The following RCOR1 variants were observed in gnomAD, a reference collection of about 807,000 sequenced individuals.
RCOR1 encodes REST corepressor.
Under a neutral mutation model 64.0 loss-of-function variants are expected in RCOR1, and 12 were observed. That is an observed-to-expected ratio of 0.19 (90% confidence interval 0.12 to 0.30). The LOEUF (loss-of-function observed/expected upper bound fraction) is 0.30, where lower values mean the gene tolerates loss of function less well. Ranked by LOEUF, RCOR1 falls within the 10% of genes least tolerant of loss-of-function variation. The pLI is 1.00. For synonymous variants in RCOR1, 279 were observed against 227.2 expected (o/e 1.23, Z -2.05); for missense variants, 502 against 621.2 (o/e 0.81, Z 2.04).
chr14:102,620,251 A>AC (rs975179645), intron 2 of RCOR1, among the ~76,000 whole-genome samples: 2 of 143,316 alleles, frequency 1.4e-5, no homozygotes, highest in African/African-American at 2.6e-5. Context: ...ACACACACAC[A>AC]CCCCCCCACA....
intron 11 of RCOR1, among the ~76,000 whole-genome samples, chr14:102,723,398 G>T (rs1478940429): frequency 1.3e-5 from 2 of 152,116 alleles, no homozygotes; most frequent in Non-Finnish European, 2.9e-5. Context: ...CTCCATGCAG[G>T]GCCTCTTTGC....
chr14:102,657,391 G>T (rs1595215897), intron 2 of RCOR1: 1 of 985,266 alleles, frequency 1.0e-6, no homozygotes, highest in African/African-American at 1.7e-5. Flanking sequence ...TCTTCTTGGA[G>T]CTAATTTCTT....
intron 2 of RCOR1, among the ~76,000 whole-genome samples, chr14:102,634,871 ATT>A (rs757143284): frequency 1.1e-4 from 15 of 137,390 alleles, no homozygotes; most frequent in East Asian, 2.1e-4. Flanking sequence ...TAATTTTTGT[ATT>A]TTTTTTTTTT....
chr14:102,655,110 CTTTTTTT>C (rs67404203), intron 2 of RCOR1: 14 of 104,532 alleles, frequency 1.3e-4, no homozygotes, highest in Admixed American at 2.7e-4. Context: ...CGCGGACAAC[CTTTTTTT>C]TTTTTTTTTT....
chr14:102,615,538 T>C (rs1227504768), intron 2 of RCOR1, among the ~76,000 whole-genome samples: 1 of 146,392 alleles, frequency 6.8e-6, no homozygotes, highest in Non-Finnish European at 1.5e-5. Context: ...AACCTCCACC[T>C]CCTGGATTCA....
At chr14:102,671,656 A>C (rs1895034275) in intron 2 of RCOR1, among the ~76,000 whole-genome samples, 1 of 152,216 alleles carries the variant, frequency 6.6e-6, no homozygotes, top group South Asian at 2.1e-4. Flanking sequence ...CAGCCTCCTG[A>C]GTAGCCTTGC....
At chr14:102,600,897 G>C (rs1242758067) in intron 2 of RCOR1, among the ~76,000 whole-genome samples, 1 of 149,008 alleles carries the variant, frequency 6.7e-6, no homozygotes, top group Non-Finnish European at 1.5e-5. Flanking sequence ...TAGTAGAGAT[G>C]GTATTTCGCT....
intron 2 of RCOR1, among the ~76,000 whole-genome samples, chr14:102,604,737 C>G (rs1893469935): frequency 6.6e-6 from 1 of 151,976 alleles, no homozygotes; most frequent in Non-Finnish European, 1.5e-5. Flanking sequence ...TAAGTATAAT[C>G]AGAATTCAAT....
intron 3 of RCOR1, among the ~76,000 whole-genome samples, chr14:102,701,075 C>G (rs1206547684): frequency 6.6e-6 from 1 of 152,198 alleles, no homozygotes; most frequent in African/African-American, 2.4e-5. Context: ...GAAAGCCCAT[C>G]CTCCATGATT....
chr14:102,711,544 A>G (rs1895958691), intron 7 of RCOR1, among the ~76,000 whole-genome samples: 1 of 152,082 alleles, frequency 6.6e-6, no homozygotes, highest in Non-Finnish European at 1.5e-5. Flanking sequence ...AAATCATTAT[A>G]CAAGAGATTG....
intron 2 of RCOR1, among the ~76,000 whole-genome samples, chr14:102,617,587 CTTTTT>C (rs71119722): frequency 2.7e-4 from 32 of 118,256 alleles, no homozygotes; most frequent in Middle Eastern, 4.1e-3. Context: ...CTGTCTCTTT[CTTTTT>C]TTTTTTTTTT....
chr14:102,696,247 G>C (rs1895647233), intron 3 of RCOR1, among the ~76,000 whole-genome samples: 1 of 152,114 alleles, frequency 6.6e-6, no homozygotes, highest in Non-Finnish European at 1.5e-5. Flanking sequence ...ATTTAATACA[G>C]TGCTTTGTTC....
Position 102,730,283 on chromosome 14 carries a change from A to G in RCOR1, c.*3777A>G, listed in dbSNP as rs770299485. 6 of 333,020 alleles carry G rather than the reference A, an allele frequency of 1.8e-5. No homozygotes were observed. Among genetic ancestry groups the G allele is most frequent in the Non-Finnish European group, 3.2e-5 (6 of 185,312 alleles). 20.6% of individuals were successfully genotyped at this position (333,020 alleles called of 1,614,324 possible). A position where few individuals can be genotyped will look rare whatever the true frequency, so the allele number is the denominator to read the frequency against. On this transcript the variant is annotated 3_prime_UTR_variant, in exon 12 of 12. Coordinates refer to ENST00000262241, the MANE Select transcript of RCOR1 (RefSeq NM_015156.4). ...TTTGCAAATATAATGGAAATGCTGTATATCTTTTGAAGTGATGAAATCCAC... is the reference window on the plus strand; with the variant it reads ...TTTGCAAATATAATGGAAATGCTGTGTATCTTTTGAAGTGATGAAATCCAC...
At chr14:102,625,178 A>C (rs1341223684) in intron 2 of RCOR1, among the ~76,000 whole-genome samples, 2 of 148,514 alleles carry the variant, frequency 1.3e-5, no homozygotes, top group African/African-American at 2.5e-5. Flanking sequence ...CCTGGCCTGA[A>C]GTTCCCTTTC....
At chr14:102,640,515 T>G (rs147641806) in intron 2 of RCOR1, among the ~76,000 whole-genome samples, 5 of 152,322 alleles carry the variant, frequency 3.3e-5, no homozygotes, top group African/African-American at 4.8e-5. Flanking sequence ...TCGAGACACC[T>G]GTCTTGTATT....
At chr14:102,656,378 A>G (rs1025524102) in intron 2 of RCOR1, among the ~76,000 whole-genome samples, 1 of 151,276 alleles carries the variant, frequency 6.6e-6, no homozygotes, top group African/African-American at 2.4e-5. Flanking sequence ...ACCTCAAGCG[A>G]TCCGCCTGCT....
chr14:102,685,689 C>T (rs1007003114), intron 3 of RCOR1, among the ~76,000 whole-genome samples: 7 of 152,072 alleles, frequency 4.6e-5, no homozygotes, highest in Admixed American at 2.6e-4. Context: ...GGGCTGAGTG[C>T]GGTGTCTCAC....
At chr14:102,604,582 T>C (rs560326815) in intron 2 of RCOR1, among the ~76,000 whole-genome samples, 1 of 152,340 alleles carries the variant, frequency 6.6e-6, no homozygotes, top group African/African-American at 2.4e-5. Flanking sequence ...CTTAGTCTTA[T>C]GGTTGAACCT....
At chr14:102,606,535 C>T (rs555589151) in intron 2 of RCOR1, among the ~76,000 whole-genome samples, 1 of 152,160 alleles carries the variant, frequency 6.6e-6, no homozygotes, top group East Asian at 1.9e-4. Context: ...TACTCAGTAC[C>T]AGAGAGTGTT....
Sources: allele counts gnomAD v4.1 joint callset (sites outside exome capture counted in the v4.1 genomes callset), GRCh38; gene constraint gnomAD v4.1.1; transcripts MANE v1.5; gene names NCBI Gene and HGNC (gene_info 2026-07-23, HGNC 2026-07-21).